CIST1: variants seen among roughly 807,000 people sequenced by gnomAD.
CIST1 encodes the protein uncharacterized LOC729966.
At chr19:18,250,009 A>C in the CIST1 span, 4 of 397,952 alleles carry the variant, frequency 1.0e-5, no homozygotes, top group East Asian at 1.4e-4. Flanking sequence ...ACACGAGTCC[A>C]TAACTCGTGT....
chr19:18,253,786 C>T, the CIST1 span, among the ~76,000 whole-genome samples: 1 of 152,190 alleles, frequency 6.6e-6, no homozygotes, highest in African/African-American at 2.4e-5. Flanking sequence ...ACATCCCATC[C>T]CAGGCATGGA....
chr19:18,252,384 C>T, the CIST1 span: 21 of 399,076 alleles, frequency 5.3e-5, no homozygotes, highest in African/African-American at 4.3e-4. Flanking sequence ...GGGGGGTTCC[C>T]CTGAACTGTG....
the CIST1 span, among the ~76,000 whole-genome samples, chr19:18,254,290 C>T: frequency 6.6e-6 from 1 of 152,176 alleles, no homozygotes; most frequent in African/African-American, 2.4e-5. Context: ...AGTCAGAATT[C>T]TGGGGAGCTG....
At chr19:18,252,285 G>T in the CIST1 span, 10 of 399,062 alleles carry the variant, frequency 2.5e-5, no homozygotes, top group Admixed American at 3.5e-4. Context: ...GCTGGGGCTC[G>T]GCTGGATGGT....
At chr19:18,253,295 A>T in the CIST1 span, among the ~76,000 whole-genome samples, 1 of 152,112 alleles carries the variant, frequency 6.6e-6, no homozygotes, top group South Asian at 2.1e-4. Context: ...AGGCGGGAGG[A>T]TTGCCTGACC....
At chr19:18,250,606 T>G in the CIST1 span, 1 of 395,986 alleles carries the variant, frequency 2.5e-6, no homozygotes, top group East Asian at 3.6e-5. Context: ...AGGCTGCCAC[T>G]TTTTAATCAT....
chr19:18,251,379 G>A, the CIST1 span, among the ~76,000 whole-genome samples: 1 of 151,158 alleles, frequency 6.6e-6, no homozygotes, highest in Admixed American at 6.6e-5. Flanking sequence ...TCCCACCTTG[G>A]CCTCCCAAAG....
At chr19:18,254,247 G>T in the CIST1 span, among the ~76,000 whole-genome samples, 1 of 152,210 alleles carries the variant, frequency 6.6e-6, no homozygotes, top group Admixed American at 6.5e-5. Flanking sequence ...CTGAAATGAA[G>T]ATGATTCAGA....
At chr19:18,254,006 A>G in the CIST1 span, among the ~76,000 whole-genome samples, 1 of 152,026 alleles carries the variant, frequency 6.6e-6, no homozygotes, top group Non-Finnish European at 1.5e-5. Context: ...AACACACAAC[A>G]CTGGCCCTGA....
the CIST1 span, among the ~76,000 whole-genome samples, chr19:18,253,220 A>G: frequency 6.6e-6 from 1 of 152,120 alleles, no homozygotes; most frequent in Non-Finnish European, 1.5e-5. Flanking sequence ...TGCCTCTGAC[A>G]GTTCATCAGT....
At chr19:18,254,876 C>T in the CIST1 span, among the ~76,000 whole-genome samples, 1 of 152,218 alleles carries the variant, frequency 6.6e-6, no homozygotes, top group Admixed American at 6.5e-5. Flanking sequence ...CTGGAACCCC[C>T]ATGGCCCTGA....
chr19:18,251,292 T>A, the CIST1 span, among the ~76,000 whole-genome samples: 5,077 of 146,514 alleles, frequency 0.035, 304 homozygotes, highest in African/African-American at 0.12. Flanking sequence ...TGCCTGGCTA[T>A]TTTTTGTATT....
chr19:18,250,757 C>T, the CIST1 span, among the ~76,000 whole-genome samples: 1 of 151,762 alleles, frequency 6.6e-6, no homozygotes, highest in Non-Finnish European at 1.5e-5. Context: ...CAGGCATGCA[C>T]CACCATGCCT....
the CIST1 span, chr19:18,255,345 G>A: frequency 6.0e-5 from 24 of 398,902 alleles, no homozygotes; most frequent in Admixed American, 2.2e-4. The surrounding 1 kb of genome is among the most constrained non-coding windows in gnomAD (Gnocchi z 4.6). Context: ...CTCTGCACAG[G>A]TGTGTGGCCA....
At chr19:18,250,392 G>A in the CIST1 span, 1 of 399,118 alleles carries the variant, frequency 2.5e-6, no homozygotes, top group Non-Finnish European at 4.4e-6. Context: ...GACCCGATGA[G>A]CAAAAGAGAC....
the CIST1 span, chr19:18,252,451 T>A: frequency 2.5e-6 from 1 of 399,166 alleles, no homozygotes. Context: ...GTCTCCATAC[T>A]GTTCTCTGAG....
At chr19:18,252,159 G>A in the CIST1 span, 1 of 399,264 alleles carries the variant, frequency 2.5e-6, no homozygotes, top group Non-Finnish European at 4.4e-6. Flanking sequence ...CAGGGATTCG[G>A]AACTGGGGAG....
the CIST1 span, chr19:18,250,164 T>C: frequency 1.9e-4 from 74 of 398,706 alleles, 2 homozygotes; most frequent in African/African-American, 1.4e-3. Flanking sequence ...GGACAATCTG[T>C]CATTCACGGA....
chr19:18,252,249 G>A, the CIST1 span: 4 of 399,044 alleles, frequency 1.0e-5, no homozygotes, highest in East Asian at 1.4e-4. Context: ...TTGTGGGGAG[G>A]AGGGTATCAT....
Sources: allele counts gnomAD v4.1 joint callset (sites outside exome capture counted in the v4.1 genomes callset), GRCh38; gene constraint gnomAD v4.1.1; non-coding constraint Gnocchi (gnomAD v3.1); transcripts MANE v1.5; gene names NCBI Gene and HGNC (gene_info 2026-07-23, HGNC 2026-07-21).